Variants in GNPDA1 observed in about 807,000 individuals in gnomAD.
GNPDA1 encodes the protein GNPDA 1.
A neutral mutation model predicts 28.5 loss-of-function variants in GNPDA1; 24 were observed. That is an observed-to-expected ratio of 0.84 (90% confidence interval 0.61 to 1.19). The LOEUF (loss-of-function observed/expected upper bound fraction) is 1.19, where lower values mean the gene tolerates loss of function less well. Ranked by LOEUF, GNPDA1 falls within the 50% of genes most tolerant of loss-of-function variation. GNPDA1 has a pLI of 0.00. For synonymous variants in GNPDA1, 147 were observed against 139.3 expected (o/e 1.06, Z -0.39); for missense variants, 264 against 367.3 (o/e 0.72, Z 2.30).
chr5:142,002,732 C>T (rs971623465), intron 6 of GNPDA1, among the ~76,000 whole-genome samples: 2 of 151,950 alleles, frequency 1.3e-5, no homozygotes, highest in African/African-American at 4.8e-5. Context: ...CCAGCCTGAG[C>T]GACAGAGTGA....
chr5:142,009,587 C>G (rs1755894412), intron 2 of GNPDA1, among the ~76,000 whole-genome samples: 1 of 152,122 alleles, frequency 6.6e-6, no homozygotes, highest in Non-Finnish European at 1.5e-5. Context: ...TAAATACCTG[C>G]TGAGTGAATG....
chr5:142,012,086 G>T (rs763211849), intron 1 of GNPDA1, 45 bp from the exon 2 acceptor site: 2 of 1,551,160 alleles, frequency 1.3e-6, no homozygotes, highest in East Asian at 2.3e-5. Context: ...CAATGGTAAG[G>T]GGCAGAGAAA....
At chr5:142,008,124 T>C (rs1322005003) in intron 2 of GNPDA1, among the ~76,000 whole-genome samples, 1 of 152,244 alleles carries the variant, frequency 6.6e-6, no homozygotes, top group Non-Finnish European at 1.5e-5. Context: ...TCTGCCTTGA[T>C]CACTGCTGAA....
chr5:142,004,792 T>TA, intron 5 of GNPDA1, 140 bp downstream of exon 5: 1 of 534,498 alleles, frequency 1.9e-6, no homozygotes, highest in Non-Finnish European at 3.3e-6. Context: ...GAACAGTGAG[T>TA]AACAGGGTCA....
chr5:142,008,259 A>G (rs1755856111), intron 2 of GNPDA1, among the ~76,000 whole-genome samples: 1 of 152,226 alleles, frequency 6.6e-6, no homozygotes, highest in Admixed American at 6.5e-5. Flanking sequence ...GGGCCATGTG[A>G]TAAGGACACA....
Position 142,012,000 on chromosome 5 carries a change from C to CGCCT in GNPDA1, c.32_35dup (p.Ser13GlyfsTer7). On this transcript the variant is annotated frameshift_variant, in exon 2 of 7. Coordinates refer to ENST00000311337, the MANE Select transcript of GNPDA1 (RefSeq NM_005471.5). LOFTEE classifies it high-confidence loss of function. ...TGATGTATTTAGCCGCCCACTCGCTCGCCTGAGAATAGTGCTCCAGGATGA... is the reference window on the plus strand; with the variant it reads ...TGATGTATTTAGCCGCCCACTCGCTCGCCTGCCTGAGAATAGTGCTCCAGGATGA... 6.2e-7 allele frequency: 1 copy of CGCCT among 1,612,084 alleles called. No homozygotes were observed. Among genetic ancestry groups the CGCCT allele is most frequent in the African/African-American group, 1.3e-5 (1 of 74,986 alleles).
Position 142,002,961 on chromosome 5 carries a change from TGGG to T in GNPDA1, c.769+124_769+126del, listed in dbSNP as rs1275145249. Reference sequence around the variant, plus strand: ...AAATGACTGTGTAGTGTGATGCAGTTGGGTTTGATATTTCTTAAGATTACAGTT... The same window carrying T: ...AAATGACTGTGTAGTGTGATGCAGTTTTTGATATTTCTTAAGATTACAGTT... On this transcript the variant is annotated intron_variant, in intron 6 of 6. Coordinates refer to ENST00000311337, the MANE Select transcript of GNPDA1 (RefSeq NM_005471.5). 1.3e-5 allele frequency: 9 copies of T among 695,336 alleles called. No individual in the cohort carries two copies. In the African/African-American group the frequency reaches 1.6e-4, roughly 12 times the overall value. 43.1% of individuals were successfully genotyped at this position (695,336 alleles called of 1,614,324 possible).
intron 2 of GNPDA1, among the ~76,000 whole-genome samples, chr5:142,009,321 C>G (rs1228311975): frequency 6.6e-6 from 1 of 152,108 alleles, no homozygotes; most frequent in Non-Finnish European, 1.5e-5. Flanking sequence ...TCCACAGAAC[C>G]TGGCCCCTGG....
intron 1 of GNPDA1, 48 bp from the exon 2 acceptor site, chr5:142,012,089 C>A: frequency 6.5e-7 from 1 of 1,544,168 alleles, no homozygotes; most frequent in South Asian, 1.2e-5. Context: ...TGGTAAGGGG[C>A]AGAGAAAGAG....
intron 3 of GNPDA1, 82 bp from the exon 4 acceptor site, chr5:142,006,408 A>G (rs1755806728): frequency 9.8e-7 from 1 of 1,016,682 alleles, no homozygotes; most frequent in African/African-American, 1.6e-5. Flanking sequence ...CACCATGCTG[A>G]CCTACAGAGA....
In GNPDA1 at chr5:142,001,931, C is replaced by G. The variant is rs1755686824; in HGVS notation, c.*98G>C. On this transcript the variant is annotated 3_prime_UTR_variant, in exon 7 of 7. Transcript: ENST00000311337. ...AGTTCACCCACTTATCTGGAGTAAC[C>G]ATACTAGATTAAAGAAATACAATTC... 4.8e-6 allele frequency: 3 copies of G among 626,754 alleles called. No homozygotes were observed. Among genetic ancestry groups the G allele is most frequent in the Non-Finnish European group, 8.3e-6 (3 of 359,380 alleles). The allele number at this position is 626,754 out of a possible 1,614,324, so 38.8% of individuals were successfully genotyped here.
rs762293462 is a variant in GNPDA1 at position 142,007,889 on chromosome 5, G to A, written c.136C>T (p.Leu46Phe). ...TLGLPTGSTP[L>F]GCYKKLIEYY... ...TCAATCAGCTTCTTGTAGCAGCCAA[G>A]TGGGGTACTCCCTGCAAGAGTGGCC... The change falls in exon 3 of 7, where the codon CTT (leucine) becomes TTT (phenylalanine). Residue 46 changes from leucine to phenylalanine, a missense_variant. Leu to Phe is a conservative substitution (Grantham distance 22, BLOSUM62 0). Transcript: ENST00000311337. 3.1e-6 allele frequency: 5 copies of A among 1,606,930 alleles called. No individual in the cohort carries two copies. The highest frequency in any genetic ancestry group is 4.3e-6 in the Non-Finnish European group (5 of 1,173,438).
intron 2 of GNPDA1, 90 bp from the exon 3 acceptor site, chr5:142,007,990 G>T: frequency 2.7e-6 from 2 of 735,118 alleles, no homozygotes; most frequent in Non-Finnish European, 4.9e-6. Flanking sequence ...GCTGCTCACA[G>T]GGAGAACCTG....
chr5:142,004,593 C>T (rs576243825), intron 5 of GNPDA1, among the ~76,000 whole-genome samples: 10 of 152,384 alleles, frequency 6.6e-5, no homozygotes, highest in African/African-American at 2.4e-4. Context: ...GAACCCCTCT[C>T]TCCATACCTG....
intron 6 of GNPDA1, 85 bp from the exon 7 acceptor site, chr5:142,002,214 C>A: frequency 1.4e-6 from 1 of 697,864 alleles, no homozygotes; most frequent in South Asian, 1.8e-5. Flanking sequence ...CAGGAGCTCT[C>A]AAATTTTGTC....
intron 1 of GNPDA1, 105 bp downstream of exon 1, chr5:142,012,890 G>C (rs1755998715): frequency 6.6e-6 from 1 of 152,280 alleles, no homozygotes; most frequent in South Asian, 2.1e-4. Context: ...GAAAATGTGT[G>C]AGGGCGGCTC....
At chr5:142,011,717 G>A in intron 2 of GNPDA1, 195 bp downstream of exon 2, 1 of 520,038 alleles carries the variant, frequency 1.9e-6, no homozygotes, top group Non-Finnish European at 3.5e-6. Flanking sequence ...GATTCTGCAG[G>A]GACAGGCAGC....
chr5:142,005,300 T>C (rs1755775769), intron 4 of GNPDA1, 184 bp from the exon 5 acceptor site: 1 of 494,176 alleles, frequency 2.0e-6, no homozygotes, highest in Non-Finnish European at 3.7e-6. Flanking sequence ...CTACCATTTC[T>C]TTCTCTTTGC....
At chr5:142,002,192 A>C in intron 6 of GNPDA1, 63 bp from the exon 7 acceptor site, 1 of 824,956 alleles carries the variant, frequency 1.2e-6, no homozygotes, top group Non-Finnish European at 2.0e-6. Context: ...CTTGATTATC[A>C]ATCATAACAT....
Sources: allele counts gnomAD v4.1 joint callset (sites outside exome capture counted in the v4.1 genomes callset), GRCh38; gene constraint gnomAD v4.1.1; transcripts MANE v1.5; gene names NCBI Gene and HGNC (gene_info 2026-07-23, HGNC 2026-07-21).